The following ALOX5AP variants were observed in gnomAD, a reference collection of about 807,000 sequenced individuals.
ALOX5AP encodes the protein arachidonate 5-lipoxygenase activating protein.
ALOX5AP carries 9 observed loss-of-function variants against 18.5 expected under a neutral mutation model. The ratio of observed to expected loss-of-function variants is 0.49; its 90% CI spans 0.29 to 0.85. The LOEUF (loss-of-function observed/expected upper bound fraction) is 0.85, where lower values mean the gene tolerates loss of function less well. Ranked by LOEUF, ALOX5AP falls within the 40% of genes least tolerant of loss-of-function variation. ALOX5AP has a pLI of 0.08. For synonymous variants in ALOX5AP, 81 were observed against 78.6 expected, an observed-to-expected ratio of 1.03 and a Z score of -0.16; for missense variants, 172 against 202.5, an observed-to-expected ratio of 0.85 and a Z score of 0.91.
At chr13:30,758,427 C>T (rs1429645537) in intron 4 of ALOX5AP, among the ~76,000 whole-genome samples, 3 of 152,218 alleles carry the variant, frequency 2.0e-5, no homozygotes, top group Admixed American at 6.5e-5. Flanking sequence ...ATCCTTCCCC[C>T]GGAATTTCTC....
intron 3 of ALOX5AP, among the ~76,000 whole-genome samples, chr13:30,753,201 G>C (rs964016372): frequency 6.6e-6 from 1 of 152,224 alleles, no homozygotes; most frequent in Non-Finnish European, 1.5e-5. Flanking sequence ...CAGTGATAGA[G>C]AGCAGAGGTG....
intron 1 of ALOX5AP, among the ~76,000 whole-genome samples, chr13:30,720,291 T>C (rs1413024020): frequency 6.6e-6 from 1 of 152,244 alleles, no homozygotes; most frequent in Admixed American, 6.5e-5. Flanking sequence ...GAAAGATCTT[T>C]AAGTGGTTCT....
chr13:30,732,096 A>G (rs565818905), upstream of ALOX5AP, among the ~76,000 whole-genome samples: 17 of 151,946 alleles, frequency 1.1e-4, no homozygotes, highest in African/African-American at 4.1e-4. Context: ...GGTGAAGTGG[A>G]CTCCCTCCAT....
upstream of ALOX5AP, among the ~76,000 whole-genome samples, chr13:30,732,708 A>G (rs921489648): frequency 6.6e-6 from 1 of 152,138 alleles, no homozygotes; most frequent in Non-Finnish European, 1.5e-5. Flanking sequence ...AAAACTCCAC[A>G]GTTGGTGAAG....
chr13:30,756,904 G>A (rs571964693), intron 4 of ALOX5AP, among the ~76,000 whole-genome samples: 1 of 149,910 alleles, frequency 6.7e-6, no homozygotes, highest in South Asian at 2.1e-4. Context: ...GATGTTGCCA[G>A]ACAGAAAGCC....
At chr13:30,756,153 G>A in intron 4 of ALOX5AP, 128 bp downstream of exon 4, 2 of 780,016 alleles carry the variant, frequency 2.6e-6, no homozygotes, top group South Asian at 1.6e-5. Flanking sequence ...GGAGGGGGAA[G>A]GCTGACTAGG....
intron 1 of ALOX5AP, 77 bp downstream of exon 1, chr13:30,735,752 C>T: frequency 6.5e-7 from 1 of 1,543,248 alleles, no homozygotes; most frequent in East Asian, 2.3e-5. Context: ...CAGGCTTAAA[C>T]AATTGTGTCT....
chr13:30,730,035 A>G lies in ALOX5AP; in HGVS notation c.117-5516A>G, dbSNP rs115305993. Among the ~76,000 whole-genome samples, 1,451 of 152,366 alleles carry G rather than the reference A, an allele frequency of 9.5e-3. 27 individuals carry two copies. The highest frequency in any genetic ancestry group is 0.034 in the African/African-American group (1,399 of 41,580). On this transcript the variant is annotated intron_variant, in intron 1 of 5. Transcript: ENST00000617770. Reference sequence around the variant, plus strand: ...GCGGATACTACACTGGCTTCCTGCTATCTGTCTGTGTGAATGGCTATGGAC... The same window carrying G: ...GCGGATACTACACTGGCTTCCTGCTGTCTGTCTGTGTGAATGGCTATGGAC...
intron 2 of ALOX5AP, among the ~76,000 whole-genome samples, chr13:30,746,418 A>C (rs1951809933): frequency 1.3e-5 from 2 of 152,244 alleles, no homozygotes; most frequent in African/African-American, 4.8e-5. Flanking sequence ...GTTTTCTGTA[A>C]GACAAAAACT....
intron 1 of ALOX5AP, among the ~76,000 whole-genome samples, chr13:30,726,064 G>C (rs755660745): frequency 5.3e-5 from 8 of 152,150 alleles, no homozygotes; most frequent in Non-Finnish European, 1.2e-4. Flanking sequence ...CCTGGTGTTC[G>C]GGTAGTAATT....
intron 1 of ALOX5AP, among the ~76,000 whole-genome samples, chr13:30,727,152 C>T (rs1490255577): frequency 6.6e-6 from 1 of 151,612 alleles, no homozygotes; most frequent in Non-Finnish European, 1.5e-5. Flanking sequence ...CTCCCGGGTT[C>T]AAGTGATTCT....
chr13:30,756,094 C>A, intron 4 of ALOX5AP, 69 bp downstream of exon 4: 2 of 1,483,570 alleles, frequency 1.3e-6, no homozygotes, highest in South Asian at 1.1e-5. Context: ...AGTGACAATT[C>A]AAAACAGTAT....
chr13:30,748,401 G>A (rs1282450675), intron 2 of ALOX5AP, among the ~76,000 whole-genome samples: 1 of 152,110 alleles, frequency 6.6e-6, no homozygotes, highest in Non-Finnish European at 1.5e-5. Context: ...TATTCCCAGA[G>A]GTGGAGAAAA....
At chr13:30,740,220 C>G (rs1245319420) in intron 1 of ALOX5AP, among the ~76,000 whole-genome samples, 1 of 152,136 alleles carries the variant, frequency 6.6e-6, no homozygotes, top group African/African-American at 2.4e-5. Context: ...TTTTTGAGAA[C>G]TATGTGTCAT....
At chr13:30,722,770 G>A (rs1478576631) in intron 1 of ALOX5AP, among the ~76,000 whole-genome samples, 2 of 152,214 alleles carry the variant, frequency 1.3e-5, no homozygotes, top group African/African-American at 2.4e-5. Context: ...TCACAGTAAC[G>A]AGTGAGTTTT....
At chr13:30,717,839 C>A (rs912918672) in intron 1 of ALOX5AP, among the ~76,000 whole-genome samples, 1 of 152,126 alleles carries the variant, frequency 6.6e-6, no homozygotes, top group East Asian at 1.9e-4. Flanking sequence ...AGGGCAAGAC[C>A]TTCTCTGGGG....
chr13:30,735,782 C>CACTTTT (rs1951716392), intron 1 of ALOX5AP, 107 bp downstream of exon 1: 1 of 1,216,908 alleles, frequency 8.2e-7, no homozygotes, highest in Non-Finnish European at 1.2e-6. Context: ...CATGCACAAA[C>CACTTTT]ACTTTTACCT....
At chr13:30,746,155 G>T (rs554860394) in intron 2 of ALOX5AP, among the ~76,000 whole-genome samples, 2 of 152,228 alleles carry the variant, frequency 1.3e-5, no homozygotes, top group Admixed American at 1.3e-4. Flanking sequence ...CCTTTGGTTG[G>T]TGGCTATGCT....
At chr13:30,732,877 C>T (rs1002916986), upstream of ALOX5AP, among the ~76,000 whole-genome samples, 4 of 151,864 alleles carry the variant, frequency 2.6e-5, no homozygotes, top group Non-Finnish European at 5.9e-5. Flanking sequence ...AAGAGGGGGC[C>T]GGGCGCGGTG....
Sources: allele counts gnomAD v4.1 joint callset (sites outside exome capture counted in the v4.1 genomes callset), GRCh38; gene constraint gnomAD v4.1.1; transcripts MANE v1.5; gene names NCBI Gene and HGNC (gene_info 2026-07-23, HGNC 2026-07-21).